TMEM272: variants seen among roughly 807,000 people sequenced by gnomAD.
The protein encoded by TMEM272 is long intergenic non-protein coding RNA 282.
A neutral mutation model predicts 3.7 loss-of-function variants in TMEM272; 8 were observed. The ratio of observed to expected loss-of-function variants is 2.17; its 90% CI spans 1.27 to 3.91. The LOEUF is 3.91. Among genes scored for constraint, TMEM272 ranks in the 30% most tolerant of loss-of-function variants. The pLI is 0.00. For missense variants in TMEM272, 166 were observed against 91.5 expected (o/e 1.81, Z -3.32); for synonymous variants, 63 against 39.8 (o/e 1.58, Z -2.20).
the TMEM272 span, chr13:51,932,737 C>T: frequency 6.6e-6 from 1 of 152,130 alleles, no homozygotes; most frequent in Non-Finnish European, 1.5e-5. Context: ...AAATGATTAT[C>T]TGACAAAAAA....
the TMEM272 span, chr13:51,865,921 A>G: frequency 2.5e-6 from 4 of 1,613,794 alleles, no homozygotes; most frequent in East Asian, 8.9e-5. Flanking sequence ...GGGAAGATAA[A>G]ACGTCCCTCT....
At chr13:51,927,226 T>G in the TMEM272 span, among the ~76,000 whole-genome samples, 1 of 152,038 alleles carries the variant, frequency 6.6e-6, no homozygotes, top group Non-Finnish European at 1.5e-5. Context: ...AATAAATAAA[T>G]AAATAGACGA....
the TMEM272 span, among the ~76,000 whole-genome samples, chr13:51,854,225 T>C: frequency 6.6e-6 from 1 of 152,302 alleles, no homozygotes; most frequent in African/African-American, 2.4e-5. Flanking sequence ...TGCTATTTCC[T>C]CCAGAGGCTA....
chr13:51,893,354 A>G, the TMEM272 span, among the ~76,000 whole-genome samples: 5 of 152,226 alleles, frequency 3.3e-5, no homozygotes, highest in Non-Finnish European at 7.3e-5. Flanking sequence ...AGTACATGCG[A>G]AAAGCATCCC....
At chr13:51,927,499 T>C in the TMEM272 span, among the ~76,000 whole-genome samples, 2 of 152,338 alleles carry the variant, frequency 1.3e-5, no homozygotes, top group Admixed American at 6.5e-5. Flanking sequence ...AAAGATATTT[T>C]AAAAGGTTGC....
the TMEM272 span, among the ~76,000 whole-genome samples, chr13:51,893,931 T>C: frequency 9.2e-5 from 14 of 152,130 alleles, no homozygotes; most frequent in African/African-American, 2.9e-4. Context: ...AAGATCACAA[T>C]AGTAATAAAT....
chr13:51,895,164 C>T, the TMEM272 span, among the ~76,000 whole-genome samples: 3 of 152,252 alleles, frequency 2.0e-5, no homozygotes, highest in South Asian at 6.2e-4. Flanking sequence ...CCTAACAGGC[C>T]ATGGACAAGT....
the TMEM272 span, among the ~76,000 whole-genome samples, chr13:51,870,290 C>G: frequency 6.6e-6 from 1 of 152,074 alleles, no homozygotes; most frequent in Non-Finnish European, 1.5e-5. Context: ...TAACCAGAGC[C>G]ATCCATTTTA....
chr13:51,868,923 G>A, the TMEM272 span, among the ~76,000 whole-genome samples: 1,940 of 152,308 alleles, frequency 0.013, 41 homozygotes, highest in African/African-American at 0.043. Flanking sequence ...AGCCTGAGCT[G>A]TGCCTCCACC....
chr13:51,876,717 G>C, the TMEM272 span, among the ~76,000 whole-genome samples: 1 of 152,272 alleles, frequency 6.6e-6, no homozygotes, highest in South Asian at 2.1e-4. Context: ...TTTGTAATTA[G>C]GTATTGGGAA....
the TMEM272 span, among the ~76,000 whole-genome samples, chr13:51,852,689 C>T: frequency 3.3e-5 from 5 of 152,014 alleles, no homozygotes; most frequent in Admixed American, 3.3e-4. Flanking sequence ...ACCATCCTGG[C>T]CAACATGGTG....
chr13:51,877,697 A>G, the TMEM272 span, among the ~76,000 whole-genome samples: 30 of 152,370 alleles, frequency 2.0e-4, no homozygotes, highest in African/African-American at 6.7e-4. Flanking sequence ...AAGTATTTAG[A>G]CAATGAAGAT....
At chr13:51,871,477 T>C in the TMEM272 span, among the ~76,000 whole-genome samples, 66 of 152,296 alleles carry the variant, frequency 4.3e-4, no homozygotes, top group African/African-American at 1.4e-3. Flanking sequence ...CTTGAATCAC[T>C]TGCTCTGGAG....
At chr13:51,874,187 G>C in the TMEM272 span, among the ~76,000 whole-genome samples, 1 of 152,202 alleles carries the variant, frequency 6.6e-6, no homozygotes, top group Non-Finnish European at 1.5e-5. Flanking sequence ...GGGGCAATAA[G>C]GGCTCTTTTG....
chr13:51,851,619 G>A, the TMEM272 span, among the ~76,000 whole-genome samples: 156 of 149,212 alleles, frequency 1.0e-3, 1 homozygote, highest in African/African-American at 3.5e-3. Context: ...CCACCTCCTG[G>A]GTTCAAGCAA....
chr13:51,930,048 G>T, the TMEM272 span, among the ~76,000 whole-genome samples: 5 of 152,192 alleles, frequency 3.3e-5, no homozygotes, highest in African/African-American at 1.2e-4. Context: ...TCCCGATGTG[G>T]TTCATCCACA....
chr13:51,861,168 TACAC>T, the TMEM272 span, among the ~76,000 whole-genome samples: 7 of 151,934 alleles, frequency 4.6e-5, no homozygotes, highest in Admixed American at 6.6e-5. Flanking sequence ...AAAAGTCAAA[TACAC>T]AGACAAAGAA....
At chr13:51,834,117 C>T (rs577748160) in intron 2 of TMEM272, among the ~76,000 whole-genome samples, 1 of 152,318 alleles carries the variant, frequency 6.6e-6, no homozygotes, top group East Asian at 1.9e-4. Context: ...GAGCGTGCTG[C>T]TGTGCAGTTT....
At chr13:51,858,730 T>C in the TMEM272 span, among the ~76,000 whole-genome samples, 7 of 152,288 alleles carry the variant, frequency 4.6e-5, no homozygotes, top group South Asian at 2.1e-4. Context: ...ACGAAATTTA[T>C]TGGGTGTAAA....
Sources: allele counts gnomAD v4.1 joint callset (sites outside exome capture counted in the v4.1 genomes callset), GRCh38; gene constraint gnomAD v4.1.1; transcripts MANE v1.5; gene names NCBI Gene and HGNC (gene_info 2026-07-23, HGNC 2026-07-21).